Variants in ALKBH3 observed in about 807,000 individuals in gnomAD.
ALKBH3 encodes alkB homolog 3, alpha-ketoglutarate dependent dioxygenase.
In ALKBH3, 51 loss-of-function variants were observed where a neutral mutation model predicts 43.9. The ratio of observed to expected loss-of-function variants is 1.16; its 90% CI spans 0.93 to 1.47. The LOEUF is 1.47. Ranked by LOEUF, ALKBH3 falls within the 40% of genes most tolerant of loss-of-function variation. The pLI is 0.00. For missense variants in ALKBH3, 361 were observed against 351.9 expected (o/e 1.03, Z -0.21); for synonymous variants, 102 against 115.2 (o/e 0.89, Z 0.73).
intron 7 of ALKBH3, among the ~76,000 whole-genome samples, chr11:43,894,526 G>A (rs534847867): frequency 6.6e-6 from 1 of 152,012 alleles, no homozygotes; most frequent in South Asian, 2.1e-4. Flanking sequence ...TTTTCTCACT[G>A]TTTCAGTACC....
chr11:43,886,558 A>C, intron 4 of ALKBH3, 48 bp from the exon 5 acceptor site: 1 of 1,588,978 alleles, frequency 6.3e-7, no homozygotes, highest in Non-Finnish European at 8.6e-7. Context: ...TGGGTATAGC[A>C]TATTGTTTTG....
intron 7 of ALKBH3, among the ~76,000 whole-genome samples, chr11:43,895,825 T>TC (rs1206775204): frequency 1.3e-5 from 2 of 152,210 alleles, no homozygotes; most frequent in Non-Finnish European, 2.9e-5. Flanking sequence ...ATCATGCGCT[T>TC]CCAGTGTAAA....
chr11:43,908,576 T>A (rs2135199122), intron 8 of ALKBH3, among the ~76,000 whole-genome samples: 1 of 152,372 alleles, frequency 6.6e-6, no homozygotes, highest in Middle Eastern at 3.4e-3. Flanking sequence ...GGAAATATTA[T>A]ATTGCCAAGA....
At chr11:43,913,534 G>C (rs1370919066) in intron 8 of ALKBH3, among the ~76,000 whole-genome samples, 2 of 152,190 alleles carry the variant, frequency 1.3e-5, no homozygotes, top group Non-Finnish European at 2.9e-5. Flanking sequence ...GCTACAATCA[G>C]TTGCTAACTA....
chr11:43,890,820 C>T (rs35216097), intron 6 of ALKBH3, among the ~76,000 whole-genome samples: 1,558 of 152,050 alleles, frequency 0.01, 22 homozygotes, highest in Middle Eastern at 0.02. Flanking sequence ...GCCGAGATCG[C>T]GCCACTGCAC....
chr11:43,901,823 G>A, intron 8 of ALKBH3, 98 bp downstream of exon 8: 1 of 1,376,076 alleles, frequency 7.3e-7, no homozygotes, highest in Non-Finnish European at 9.9e-7. Context: ...TCGAGCATGG[G>A]AATACACATT....
At chr11:43,902,176 C>T (rs995167692) in intron 8 of ALKBH3, among the ~76,000 whole-genome samples, 1 of 152,146 alleles carries the variant, frequency 6.6e-6, no homozygotes, top group Non-Finnish European at 1.5e-5. Context: ...GGTAATATGG[C>T]CACTTTTCTG....
At chr11:43,891,998 A>T (rs979409945) in intron 6 of ALKBH3, 43 bp from the exon 7 acceptor site, 2 of 1,495,414 alleles carry the variant, frequency 1.3e-6, no homozygotes, top group East Asian at 2.3e-5. Flanking sequence ...TAACACCTTA[A>T]ATAGCATTAA....
intron 8 of ALKBH3, among the ~76,000 whole-genome samples, chr11:43,914,959 A>G (rs1312753585): frequency 6.6e-6 from 1 of 152,084 alleles, no homozygotes; most frequent in Non-Finnish European, 1.5e-5. Context: ...TAATCCCAGC[A>G]CTTTGGGAGG....
chr11:43,897,835 A>G, intron 7 of ALKBH3: 1 of 819,252 alleles, frequency 1.2e-6, no homozygotes, highest in Admixed American at 1.7e-5. Flanking sequence ...TTAGATATTA[A>G]ATCTTTCTTT....
intron 7 of ALKBH3, chr11:43,899,523 CT>C: frequency 1.4e-6 from 1 of 691,098 alleles, no homozygotes; most frequent in Admixed American, 1.8e-5. Context: ...CCACCACCTT[CT>C]CCAGCCAGTC....
At chr11:43,895,962 A>G (rs755044088) in intron 7 of ALKBH3, among the ~76,000 whole-genome samples, 8 of 152,186 alleles carry the variant, frequency 5.3e-5, no homozygotes, top group Non-Finnish European at 1.0e-4. Flanking sequence ...TTAAAAGTGT[A>G]CCTAAAGTAC....
chr11:43,884,930 A>G (rs1242232861), intron 4 of ALKBH3, among the ~76,000 whole-genome samples: 1 of 151,840 alleles, frequency 6.6e-6, no homozygotes, highest in African/African-American at 2.4e-5. Flanking sequence ...TTTTTAAAAA[A>G]TTTTTTGTAG....
chr11:43,907,139 T>A (rs1045874296), intron 8 of ALKBH3, among the ~76,000 whole-genome samples: 1 of 151,906 alleles, frequency 6.6e-6, no homozygotes, highest in Non-Finnish European at 1.5e-5. Context: ...TAAATGGTAA[T>A]TGGGTTTTTG....
At chr11:43,910,883 C>A (rs1951933162) in intron 8 of ALKBH3, among the ~76,000 whole-genome samples, 1 of 152,124 alleles carries the variant, frequency 6.6e-6, no homozygotes. Flanking sequence ...ACAGTTCTTT[C>A]CTGCCTCTCT....
In ALKBH3 at chr11:43,902,098, G is replaced by A. The variant is rs183408404; in HGVS notation, c.669+373G>A. 7.6e-4 allele frequency among the ~76,000 whole-genome samples: 115 copies of A among 152,292 alleles called. 1 individual carries two copies. The highest frequency in any genetic ancestry group is 1.3e-3 in the Non-Finnish European group (89 of 68,030). On this transcript the variant is annotated intron_variant, in intron 8 of 9. Coordinates refer to ENST00000302708, the MANE Select transcript of ALKBH3 (RefSeq NM_139178.4). ...AGAAGAATGACTCAAGCTAGTGGGA[G>A]GCTAAGGAAGAGGAAGGAGGCTAAG... is the stretch of plus-strand genomic sequence containing the variant.
intron 8 of ALKBH3, among the ~76,000 whole-genome samples, chr11:43,907,157 A>G (rs749579002): frequency 1.4e-4 from 21 of 152,094 alleles, no homozygotes; most frequent in Non-Finnish European, 2.4e-4. Context: ...TTGAGTTCCC[A>G]TCTCTAGGAC....
At chr11:43,911,662 CATT>C (rs1951939865) in intron 8 of ALKBH3, among the ~76,000 whole-genome samples, 1 of 152,152 alleles carries the variant, frequency 6.6e-6, no homozygotes, top group Middle Eastern at 3.2e-3. Flanking sequence ...TAGTTGATGC[CATT>C]ATTATTTCCA....
intron 7 of ALKBH3, 81 bp downstream of exon 7, chr11:43,892,210 C>A: frequency 8.2e-7 from 1 of 1,224,594 alleles, no homozygotes; most frequent in East Asian, 2.4e-5. Context: ...AACAAATTAC[C>A]TTGCAGAGAT....
Sources: allele counts gnomAD v4.1 joint callset (sites outside exome capture counted in the v4.1 genomes callset), GRCh38; gene constraint gnomAD v4.1.1; transcripts MANE v1.5; gene names NCBI Gene and HGNC (gene_info 2026-07-23, HGNC 2026-07-21).